MYT1L: variants seen among roughly 807,000 people sequenced by gnomAD.
The protein encoded by MYT1L is myelin transcription factor 1-like protein.
Under a neutral mutation model 126.7 loss-of-function variants are expected in MYT1L, and 12 were observed. The observed-to-expected ratio is 0.09, with a 90% confidence interval of 0.06 to 0.15. MYT1L has a LOEUF of 0.15. MYT1L is among the 10% of genes least tolerant of loss of function. The probability of loss-of-function intolerance (pLI) is 1.00; values close to 1 mark genes in which losing one functional copy is unlikely to be tolerated. For synonymous variants in MYT1L, 541 were observed against 604.2 expected, an observed-to-expected ratio of 0.90 and a Z score of 1.53; for missense variants, 979 against 1,585.2, an observed-to-expected ratio of 0.62 and a Z score of 6.49.
chr2:1,890,888 G>A (rs891639342), intron 15 of MYT1L, among the ~76,000 whole-genome samples: 1 of 152,178 alleles, frequency 6.6e-6, no homozygotes, highest in African/African-American at 2.4e-5. Context: ...TTGTCAAAGT[G>A]TACTCTGATT....
chr2:1,903,950 C>T (rs113195521), intron 13 of MYT1L, among the ~76,000 whole-genome samples: 49 of 146,890 alleles, frequency 3.3e-4, no homozygotes, highest in Admixed American at 1.9e-3. Flanking sequence ...TGTGTGTGTG[C>T]GCGTGCGCGC....
chr2:2,025,174 T>C (rs1470676080), intron 4 of MYT1L, among the ~76,000 whole-genome samples: 1 of 152,152 alleles, frequency 6.6e-6, no homozygotes, highest in African/African-American at 2.4e-5. Flanking sequence ...CTCCCTGGCA[T>C]TGCTTCTTCC....
chr2:1,958,102 G>A (rs1032010096), intron 8 of MYT1L, among the ~76,000 whole-genome samples: 23 of 150,914 alleles, frequency 1.5e-4, no homozygotes, highest in South Asian at 1.5e-3. Flanking sequence ...TGCACTTGTC[G>A]CTAAGGTCTG....
chr2:2,163,663 C>T (rs1251896041), intron 3 of MYT1L, among the ~76,000 whole-genome samples: 2 of 149,958 alleles, frequency 1.3e-5, no homozygotes. Flanking sequence ...ACCCAGGAGG[C>T]GGGGCTTGCA....
intron 8 of MYT1L, among the ~76,000 whole-genome samples, chr2:1,960,623 C>T (rs933025512): frequency 8.5e-5 from 13 of 152,230 alleles, no homozygotes; most frequent in South Asian, 2.1e-4. Context: ...TAGCAGAGGT[C>T]GCACGGGAAA....
intron 3 of MYT1L, among the ~76,000 whole-genome samples, chr2:2,133,221 C>T (rs922327203): frequency 1.3e-5 from 2 of 152,110 alleles, no homozygotes; most frequent in South Asian, 2.1e-4. Flanking sequence ...CAGTGTAAAG[C>T]GATGATCTAT....
intron 21 of MYT1L, among the ~76,000 whole-genome samples, chr2:1,820,721 A>AT (rs2038400634): frequency 6.6e-6 from 1 of 151,928 alleles, no homozygotes; most frequent in African/African-American, 2.4e-5. Context: ...TAATTTTTAA[A>AT]TTTTTTGTAG....
rs116390579 is a variant in MYT1L at position 2,307,780 on chromosome 2, C to T, written c.-521+23187G>A. 6.6e-3 allele frequency among the ~76,000 whole-genome samples: 640 copies of T among 97,260 alleles called. 9 individuals carry two copies. Among genetic ancestry groups the T allele is most frequent in the Non-Finnish European group, 0.01 (373 of 37,208 alleles). The allele number at this position is 97,260 out of a possible 152,430, so 63.8% of individuals were successfully genotyped here. A position where few individuals can be genotyped will look rare whatever the true frequency, so the allele number is the denominator to read the frequency against. ...TCTATATTCCACCTATGCTTCAGTACACTCTATCTATACTCCACCCATGTT... is the reference window on the plus strand; with the variant it reads ...TCTATATTCCACCTATGCTTCAGTATACTCTATCTATACTCCACCCATGTT... On this transcript the variant is annotated intron_variant, in intron 1 of 24. Coordinates refer to ENST00000647738, the MANE Select transcript of MYT1L (RefSeq NM_001303052.2).
chr2:2,223,328 G>C (rs1310540832), intron 2 of MYT1L, among the ~76,000 whole-genome samples: 1 of 152,230 alleles, frequency 6.6e-6, no homozygotes, highest in Non-Finnish European at 1.5e-5. Context: ...ACTAAAGAGA[G>C]AGTATCTTTG....
chr2:1,973,191 A>G (rs1478472333), intron 8 of MYT1L, among the ~76,000 whole-genome samples: 1 of 152,236 alleles, frequency 6.6e-6, no homozygotes, highest in Non-Finnish European at 1.5e-5. Context: ...ATTTGGAAAT[A>G]AGTGTGTCCA....
chr2:2,157,075 G>A (rs968242788), intron 3 of MYT1L, among the ~76,000 whole-genome samples: 8 of 152,156 alleles, frequency 5.3e-5, no homozygotes, highest in Non-Finnish European at 8.8e-5. Context: ...AAATGCTGAT[G>A]ACGTCACAGT....
intron 8 of MYT1L, among the ~76,000 whole-genome samples, chr2:1,973,946 A>G (rs1354786176): frequency 6.6e-6 from 1 of 152,208 alleles, no homozygotes; most frequent in Non-Finnish European, 1.5e-5. Context: ...TACGAGGGTG[A>G]GGAGAAGAAT....
intron 8 of MYT1L, among the ~76,000 whole-genome samples, chr2:1,954,438 T>G (rs545985485): frequency 4.1e-4 from 63 of 152,302 alleles, no homozygotes; most frequent in Non-Finnish European, 8.2e-4. Context: ...CAGTGTTGTC[T>G]TTGTGACCAT....
At chr2:1,926,900 G>A (rs1011769189) in intron 9 of MYT1L, among the ~76,000 whole-genome samples, 1 of 152,234 alleles carries the variant, frequency 6.6e-6, no homozygotes, top group African/African-American at 2.4e-5. Context: ...ATGTATGTGT[G>A]ATAAAAGAGC....
chr2:2,264,303 G>C (rs2095065245), intron 2 of MYT1L, among the ~76,000 whole-genome samples: 1 of 152,052 alleles, frequency 6.6e-6, no homozygotes, highest in Non-Finnish European at 1.5e-5. Flanking sequence ...AACCCTAAGA[G>C]GCCCTGGGTC....
chr2:1,950,685 C>G (rs2057667605), intron 8 of MYT1L, among the ~76,000 whole-genome samples: 2 of 152,156 alleles, frequency 1.3e-5, no homozygotes, highest in African/African-American at 4.8e-5. Flanking sequence ...TTCAGGGAGG[C>G]TGCATGGGCA....
intron 3 of MYT1L, among the ~76,000 whole-genome samples, chr2:2,081,886 C>T (rs762786540): frequency 1.1e-4 from 16 of 152,042 alleles, no homozygotes; most frequent in African/African-American, 2.2e-4. Context: ...ATTACAGGTG[C>T]GCGATGCCAT....
At position 2,330,995 on chromosome 2, in the gene MYT1L, G is replaced by T. The variant is rs1474906396; in HGVS notation, c.-549C>A. The T allele has an allele frequency of 2.0e-5, 3 of 152,024 alleles. No homozygotes were observed. The highest frequency in any genetic ancestry group is 4.4e-5 in the Non-Finnish European group (3 of 68,012). 9.4% of individuals were successfully genotyped at this position (152,024 alleles called of 1,614,324 possible). A position where few individuals can be genotyped will look rare whatever the true frequency, so the allele number is the denominator to read the frequency against. Reference sequence around the variant, plus strand: ...ACAATGACCACAACCGCTCACAAGCGAAAGACAAGTTCAATTTTGGTAACT... The same window carrying T: ...ACAATGACCACAACCGCTCACAAGCTAAAGACAAGTTCAATTTTGGTAACT... On this transcript the variant is annotated 5_prime_UTR_variant, in exon 1 of 25. Coordinates refer to ENST00000647738, the MANE Select transcript of MYT1L (RefSeq NM_001303052.2).
intron 22 of MYT1L, among the ~76,000 whole-genome samples, chr2:1,808,692 G>A (rs1251924795): frequency 6.6e-6 from 1 of 152,140 alleles, no homozygotes. Context: ...CAGGGGAGGG[G>A]GTGCCATCCT....
Sources: allele counts gnomAD v4.1 joint callset (sites outside exome capture counted in the v4.1 genomes callset), GRCh38; gene constraint gnomAD v4.1.1; transcripts MANE v1.5; gene names NCBI Gene and HGNC (gene_info 2026-07-23, HGNC 2026-07-21).